The following FRMD4A variants were observed in gnomAD, a reference collection of about 807,000 sequenced individuals.
The protein encoded by FRMD4A is FERM domain-containing protein 4A.
Under a neutral mutation model 129.1 loss-of-function variants are expected in FRMD4A, and 29 were observed. The observed-to-expected ratio is 0.22, with a 90% CI of 0.17 to 0.31. The LOEUF (loss-of-function observed/expected upper bound fraction) is 0.31. FRMD4A is among the 10% of genes least tolerant of loss of function. FRMD4A has a pLI of 1.00. For missense variants in FRMD4A, 1,272 were observed against 1,375.8 expected (o/e 0.92, Z 1.19); for synonymous variants, 634 against 571.6 (o/e 1.11, Z -1.56).
chr10:13,850,892 T>C (rs577339471), intron 3 of FRMD4A, among the ~76,000 whole-genome samples: 2 of 152,354 alleles, frequency 1.3e-5, no homozygotes, highest in African/African-American at 4.8e-5. Flanking sequence ...CTGTGAGGAT[T>C]AAATAAGATA....
chr10:13,747,149 T>C (rs756687484), intron 9 of FRMD4A, among the ~76,000 whole-genome samples: 8 of 149,554 alleles, frequency 5.3e-5, no homozygotes, highest in Non-Finnish European at 1.2e-4. Flanking sequence ...CAAAGTGAAA[T>C]TTTAGAAGGT....
At chr10:14,221,489 C>A (rs1434511698) in intron 2 of FRMD4A, among the ~76,000 whole-genome samples, 1 of 152,166 alleles carries the variant, frequency 6.6e-6, no homozygotes, top group South Asian at 2.1e-4. Context: ...GGAATTGCAA[C>A]ATTTTGTCTT....
chr10:14,075,767 T>G (rs1835557277), intron 2 of FRMD4A, among the ~76,000 whole-genome samples: 1 of 152,130 alleles, frequency 6.6e-6, no homozygotes, highest in Non-Finnish European at 1.5e-5. Flanking sequence ...CACACACATA[T>G]GTATATGCAC....
intron 2 of FRMD4A, among the ~76,000 whole-genome samples, chr10:13,882,044 T>A (rs2094553284): frequency 1.1e-5 from 1 of 87,074 alleles, no homozygotes. Context: ...TGTGTGATGG[T>A]TAACATAAGA....
rs116526544 is a variant in FRMD4A at position 13,875,541 on chromosome 10, C to A, written c.46-16629G>T. 7.7e-3 allele frequency among the ~76,000 whole-genome samples: 1,170 copies of A among 152,282 alleles called. 11 individuals are homozygous for A. The highest frequency in any genetic ancestry group is 0.027 in the African/African-American group (1,102 of 41,558). On this transcript the variant is annotated intron_variant, in intron 2 of 24. Transcript: ENST00000357447. ...AGTTTTGTGTCGTACTCTTCACGCA[C>A]GTGCTAGAAGCCCAGCATCGGAATA...
At chr10:14,291,139 T>C (rs1845839185) in intron 2 of FRMD4A, among the ~76,000 whole-genome samples, 1 of 152,128 alleles carries the variant, frequency 6.6e-6, no homozygotes. Flanking sequence ...TTTATAAAGA[T>C]AGAAAGAATG....
At chr10:13,784,341 C>T (rs1364116512) in intron 5 of FRMD4A, among the ~76,000 whole-genome samples, 2 of 152,142 alleles carry the variant, frequency 1.3e-5, no homozygotes, top group African/African-American at 2.4e-5. Context: ...TGGTTCTCTA[C>T]CTAAGAAGTC....
intron 12 of FRMD4A, among the ~76,000 whole-genome samples, chr10:13,722,061 G>A (rs749196595): frequency 6.6e-6 from 1 of 152,106 alleles, no homozygotes; most frequent in African/African-American, 2.4e-5. Flanking sequence ...CGCTCCAGGG[G>A]GTACAGGGAC....
chr10:13,971,951 C>G, intron 2 of FRMD4A: 1 of 1,212,226 alleles, frequency 8.2e-7, no homozygotes, highest in Non-Finnish European at 1.1e-6. Flanking sequence ...TGACTCTCCT[C>G]CCCCTACCTA....
intron 2 of FRMD4A, among the ~76,000 whole-genome samples, chr10:14,052,849 C>T (rs1834328138): frequency 6.6e-6 from 1 of 152,110 alleles, no homozygotes; most frequent in South Asian, 2.1e-4. Context: ...TAGGTATGAG[C>T]CACTGCGCTC....
chr10:13,740,150 G>C, intron 11 of FRMD4A, 44 bp downstream of exon 11: 1 of 1,043,016 alleles, frequency 9.6e-7, no homozygotes, highest in Non-Finnish European at 1.5e-6. Flanking sequence ...TGATTTGTTT[G>C]CTTAGGGGAG....
intron 2 of FRMD4A, among the ~76,000 whole-genome samples, chr10:14,282,023 G>A (rs1378480930): frequency 6.6e-6 from 1 of 152,162 alleles, no homozygotes; most frequent in African/African-American, 2.4e-5. Context: ...ATGGTGGAAG[G>A]TAAAAAGCAC....
chr10:14,286,060 A>C (rs1845671238), intron 2 of FRMD4A, among the ~76,000 whole-genome samples: 1 of 152,236 alleles, frequency 6.6e-6, no homozygotes, highest in South Asian at 2.1e-4. Flanking sequence ...AATTCTTCTC[A>C]TGTATCATGG....
chr10:14,209,603 C>T (rs1045484436), intron 2 of FRMD4A, among the ~76,000 whole-genome samples: 3 of 152,002 alleles, frequency 2.0e-5, no homozygotes, highest in South Asian at 2.1e-4. Flanking sequence ...CACCTATAGT[C>T]CCAATTACTC....
At chr10:14,254,327 C>G (rs1031942269) in intron 2 of FRMD4A, among the ~76,000 whole-genome samples, 1 of 152,202 alleles carries the variant, frequency 6.6e-6, no homozygotes, top group Non-Finnish European at 1.5e-5. Context: ...ATGTCAGGTT[C>G]TCTTTCTGGA....
chr10:13,956,563 G>A (rs1254404795), intron 2 of FRMD4A, among the ~76,000 whole-genome samples: 1 of 152,206 alleles, frequency 6.6e-6, no homozygotes, highest in African/African-American at 2.4e-5. Flanking sequence ...ACGGGTAAAT[G>A]GTGGAGTTGG....
intron 2 of FRMD4A, among the ~76,000 whole-genome samples, chr10:14,158,568 T>C (rs907597412): frequency 2.6e-5 from 4 of 151,680 alleles, no homozygotes; most frequent in Admixed American, 6.6e-5. Flanking sequence ...GCAATAGTCA[T>C]GCCACAGCTT....
Position 14,242,848 on chromosome 10 carries a change from T to C in FRMD4A, c.45+87210A>G, listed in dbSNP as rs372869768. 2.0e-5 allele frequency among the ~76,000 whole-genome samples: 3 copies of C among 152,254 alleles called. No homozygotes were observed. In the South Asian group the frequency reaches 6.2e-4, roughly 32 times the overall value. On this transcript the variant is annotated intron_variant, in intron 2 of 24. Transcript: ENST00000357447. ...TGAAAGCTCCTTAAAAAATTAAAGA[T>C]ACAATTACAGTATGATCCCACAATT...
intron 17 of FRMD4A, among the ~76,000 whole-genome samples, chr10:13,669,057 G>GATTT (rs541360128): frequency 2.1e-5 from 2 of 97,460 alleles, no homozygotes; most frequent in African/African-American, 4.3e-5. Context: ...CTGAGCTTTA[G>GATTT]TTTTTTTTTT....
Sources: gnomAD v4.1 joint callset for allele counts (sites outside exome capture counted in the v4.1 genomes callset) on GRCh38, gnomAD v4.1.1 for gene constraint, MANE v1.5 for transcripts, NCBI Gene and HGNC (gene_info 2026-07-23, HGNC 2026-07-21) for gene names.